HPSE2: variants seen among roughly 807,000 people sequenced by gnomAD.
HPSE2 encodes the protein inactive heparanase-2.
Under a neutral mutation model 60.5 loss-of-function variants are expected in HPSE2, and 38 were observed. That is an observed-to-expected ratio of 0.63 (90% CI 0.48 to 0.82). The LOEUF (loss-of-function observed/expected upper bound fraction) is 0.82. HPSE2 is among the 40% of genes least tolerant of loss of function. HPSE2 has a pLI of 0.00. For missense variants in HPSE2, 713 were observed against 740.4 expected, an observed-to-expected ratio of 0.96 and a Z score of 0.43; for synonymous variants, 295 against 293.2, an observed-to-expected ratio of 1.01 and a Z score of -0.06.
chr10:99,185,706 G>A (rs1184830024), intron 2 of HPSE2, among the ~76,000 whole-genome samples: 2 of 151,698 alleles, frequency 1.3e-5, no homozygotes, highest in South Asian at 2.1e-4. Flanking sequence ...CCCGGGAGGC[G>A]GAGCTTGCAG....
chr10:98,553,436 T>C (rs1054552540), intron 9 of HPSE2, among the ~76,000 whole-genome samples: 10 of 152,240 alleles, frequency 6.6e-5, no homozygotes, highest in African/African-American at 2.2e-4. Context: ...CCATTACCTG[T>C]GTGTTCAGTC....
At chr10:99,066,941 A>G (rs1338999243) in intron 3 of HPSE2, among the ~76,000 whole-genome samples, 2 of 152,184 alleles carry the variant, frequency 1.3e-5, no homozygotes, top group Non-Finnish European at 2.9e-5. Context: ...GTAAAATCAA[A>G]AGCAAGTTAG....
At chr10:98,468,429 A>G (rs1348350700) in intron 11 of HPSE2, among the ~76,000 whole-genome samples, 2 of 151,970 alleles carry the variant, frequency 1.3e-5, no homozygotes, top group African/African-American at 4.8e-5. Context: ...CTTTTCTTCT[A>G]TGTGCTTTTT....
chr10:99,118,319 C>G (rs905225933), intron 3 of HPSE2, among the ~76,000 whole-genome samples: 1 of 151,682 alleles, frequency 6.6e-6, no homozygotes, highest in Non-Finnish European at 1.5e-5. Context: ...GTCAGGAGAT[C>G]GAGACCATCC....
intron 5 of HPSE2, among the ~76,000 whole-genome samples, chr10:98,706,743 T>C (rs936718070): frequency 6.6e-6 from 1 of 152,066 alleles, no homozygotes; most frequent in Non-Finnish European, 1.5e-5. Context: ...AGAAGTCCAG[T>C]ATGGCTAGAT....
intron 9 of HPSE2, among the ~76,000 whole-genome samples, chr10:98,508,263 T>C (rs1258192334): frequency 6.6e-6 from 1 of 152,228 alleles, no homozygotes; most frequent in East Asian, 1.9e-4. Flanking sequence ...TTTCTTTTTC[T>C]TTAGTATTTG....
At chr10:98,898,962 T>C (rs538055788) in intron 3 of HPSE2, among the ~76,000 whole-genome samples, 1 of 152,336 alleles carries the variant, frequency 6.6e-6, no homozygotes, top group Admixed American at 6.5e-5. Flanking sequence ...CTTTGATCCA[T>C]AACTCTAAAC....
intron 9 of HPSE2, among the ~76,000 whole-genome samples, chr10:98,559,161 G>A (rs368871170): frequency 6.6e-6 from 1 of 152,154 alleles, no homozygotes; most frequent in Admixed American, 6.5e-5. Flanking sequence ...CTGAGCAGCT[G>A]GGATTACAGG....
chr10:99,218,947 G>A (rs1413926360), intron 2 of HPSE2, among the ~76,000 whole-genome samples: 3 of 152,160 alleles, frequency 2.0e-5, no homozygotes, highest in African/African-American at 4.8e-5. Context: ...ACTCCCAGAT[G>A]AGAATAACAT....
intron 5 of HPSE2, among the ~76,000 whole-genome samples, chr10:98,698,753 TAAAG>T (rs1049397248): frequency 7.9e-5 from 12 of 151,538 alleles, no homozygotes; most frequent in Non-Finnish European, 1.5e-5. Context: ...GCAAGACTAA[TAAAG>T]AAGAAAAGAG....
At chr10:99,156,464 G>T (rs1472752449) in intron 2 of HPSE2, among the ~76,000 whole-genome samples, 21 of 136,734 alleles carry the variant, frequency 1.5e-4, no homozygotes, top group African/African-American at 5.4e-4. Context: ...ATCAATAAAT[G>T]TAATCCAGCA....
At chr10:99,251,136 A>G in the HPSE2 span, among the ~76,000 whole-genome samples, 36 of 152,286 alleles carry the variant, frequency 2.4e-4, no homozygotes, top group African/African-American at 8.2e-4. Flanking sequence ...GAATATCCAA[A>G]TAAGCAAAAT....
At chr10:98,667,546 A>G (rs1043377284) in intron 6 of HPSE2, among the ~76,000 whole-genome samples, 2 of 152,166 alleles carry the variant, frequency 1.3e-5, no homozygotes, top group African/African-American at 4.8e-5. Context: ...TTAGCAAACC[A>G]AATTTAGCAG....
intron 9 of HPSE2, among the ~76,000 whole-genome samples, chr10:98,532,599 G>A (rs1943164702): frequency 6.6e-6 from 1 of 152,184 alleles, no homozygotes; most frequent in Non-Finnish European, 1.5e-5. Context: ...ATAATGTAAA[G>A]AAGACCAGAT....
intron 3 of HPSE2, among the ~76,000 whole-genome samples, chr10:99,106,822 T>C (rs910990027): frequency 1.3e-5 from 2 of 152,138 alleles, no homozygotes; most frequent in Non-Finnish European, 2.9e-5. Context: ...AAGTTAAAGT[T>C]AGCATTCTAG....
Position 99,219,292 on chromosome 10 carries a change from C to T in HPSE2, c.448+13056G>A, listed in dbSNP as rs542434706. Among the ~76,000 whole-genome samples, 3 of 152,284 alleles carry T rather than the reference C, an allele frequency of 2.0e-5. No homozygotes were observed. In the East Asian group the frequency reaches 5.8e-4, roughly 29 times the overall value. On this transcript the variant is annotated intron_variant, in intron 2 of 11. Coordinates refer to ENST00000370552, the MANE Select transcript of HPSE2 (RefSeq NM_021828.5). ...TTCTAACCACACCTTGGGTTTGGGG[C>T]CTACTGCAAAGGGGGTCTGGGATTC...
rs186064633 is a variant in HPSE2, at chr10:98,655,190, G to A, written c.1005-13250C>T. Among the ~76,000 whole-genome samples the A allele has an allele frequency of 3.3e-5, 5 of 151,942 alleles. No homozygotes were observed. The East Asian group carries it at 7.8e-4, about 24-fold the overall frequency. ...AGGCTAGAGGGGGCTAGAGTGTGGG[G>A]AATGCCCTTTCTCATCTGGGATAAG... On this transcript the variant is annotated intron_variant, in intron 6 of 11. Transcript: ENST00000370552.
intron 2 of HPSE2, among the ~76,000 whole-genome samples, chr10:99,226,343 G>A (rs1176812937): frequency 6.6e-6 from 1 of 151,924 alleles, no homozygotes; most frequent in Non-Finnish European, 1.5e-5. Flanking sequence ...TTATTCTTCA[G>A]TTTTGTCAGT....
intron 3 of HPSE2, among the ~76,000 whole-genome samples, chr10:98,872,589 C>T (rs1353711847): frequency 1.3e-5 from 2 of 152,054 alleles, no homozygotes; most frequent in Non-Finnish European, 2.9e-5. Context: ...GTCTGATATG[C>T]TAGTTATACT....
Sources: gnomAD v4.1 joint callset for allele counts (sites outside exome capture counted in the v4.1 genomes callset) on GRCh38, gnomAD v4.1.1 for gene constraint, MANE v1.5 for transcripts, NCBI Gene and HGNC (gene_info 2026-07-23, HGNC 2026-07-21) for gene names.